CPT1A: variants seen among roughly 807,000 people sequenced by gnomAD.
CPT1A encodes carnitine palmitoyltransferase 1A, also known as carnitine O-palmitoyltransferase 1, liver isoform.
CPT1A carries 64 observed loss-of-function variants against 100.8 expected under a neutral mutation model. That is an observed-to-expected ratio of 0.63 (90% CI 0.52 to 0.78). The LOEUF (loss-of-function observed/expected upper bound fraction) is 0.78. CPT1A is among the 30% of genes least tolerant of loss of function. CPT1A has a pLI of 0.00. For missense variants in CPT1A, 802 were observed against 1,034.1 expected (o/e 0.78, Z 3.08); for synonymous variants, 363 against 396.0 (o/e 0.92, Z 0.99).
chr11:68,834,648 C>G lies in CPT1A; in HGVS notation c.-14+7127G>C, dbSNP rs11228376. Among the ~76,000 whole-genome samples the G allele has an allele frequency of 0.032, 4,796 of 151,758 alleles. 708 individuals are homozygous for G. In the East Asian group the frequency reaches 0.5, roughly 16 times the overall value. On this transcript the variant is annotated intron_variant, in intron 1 of 18. Transcript: ENST00000265641. ...GCATGCCTGTGGTCCCAGCTACTTG[C>G]GAGTATCACTCGAGCCCAGGAGTTT...
At position 68,756,092 on chromosome 11, in the gene CPT1A, A is replaced by C. The variant is rs1292035892; in HGVS notation, c.*1552T>G. 1 of 140,582 alleles carries C rather than the reference A, an allele frequency of 7.1e-6. No homozygotes were observed. The highest frequency in any genetic ancestry group is 1.5e-5 in the Non-Finnish European group (1 of 66,404). The allele number at this position is 140,582 out of a possible 1,614,324, so 8.7% of individuals were successfully genotyped here. A position where few individuals can be genotyped will look rare whatever the true frequency, so the allele number is the denominator to read the frequency against. On this transcript the variant is annotated 3_prime_UTR_variant, in exon 19 of 19. Transcript: ENST00000265641. ...GCACCACTGCACTCCAGCCTGGGCA[A>C]CAAGAGTGAAACTCCATCTCAAAAA...
chr11:68,797,717 C>G (rs963503019), intron 6 of CPT1A, among the ~76,000 whole-genome samples: 4 of 152,344 alleles, frequency 2.6e-5, no homozygotes, highest in African/African-American at 7.2e-5. Context: ...GTGGCTCACG[C>G]CTGTCATCCC....
At chr11:68,767,803 TGG>T (rs1449322629) in intron 14 of CPT1A, among the ~76,000 whole-genome samples, 1 of 152,182 alleles carries the variant, frequency 6.6e-6, no homozygotes, top group African/African-American at 2.4e-5. Flanking sequence ...GTCTCCACTC[TGG>T]GTTCACCGGG....
At chr11:68,775,219 G>T in intron 13 of CPT1A, 97 bp downstream of exon 13, 1 of 1,030,614 alleles carries the variant, frequency 9.7e-7, no homozygotes, top group Non-Finnish European at 1.5e-6. Context: ...CTGAGCTCAT[G>T]ATAGGGCAGG....
At chr11:68,826,566 C>T (rs1392524416) in intron 1 of CPT1A, among the ~76,000 whole-genome samples, 2 of 150,982 alleles carry the variant, frequency 1.3e-5, no homozygotes, top group Non-Finnish European at 2.9e-5. Context: ...AACCCCATCT[C>T]TACTAAAAAT....
At chr11:68,774,777 A>C (rs1254328392) in intron 13 of CPT1A, among the ~76,000 whole-genome samples, 3 of 140,942 alleles carry the variant, frequency 2.1e-5, no homozygotes, top group African/African-American at 8.1e-5. Flanking sequence ...GCGAGACTAC[A>C]TCTCAAAAAA....
chr11:68,814,517 C>T (rs1856326231), intron 2 of CPT1A, among the ~76,000 whole-genome samples: 1 of 151,974 alleles, frequency 6.6e-6, no homozygotes, highest in South Asian at 2.1e-4. Context: ...ACCATGTTAG[C>T]CAGGATGGTC....
At chr11:68,835,410 T>C (rs1338237140) in intron 1 of CPT1A, among the ~76,000 whole-genome samples, 1 of 152,228 alleles carries the variant, frequency 6.6e-6, no homozygotes. Context: ...TTCTTCACCT[T>C]TGCACAGAAT....
At chr11:68,761,245 C>T (rs959571915) in intron 16 of CPT1A, among the ~76,000 whole-genome samples, 9 of 148,792 alleles carry the variant, frequency 6.0e-5, no homozygotes, top group African/African-American at 2.5e-5. Context: ...AAAGGTGGTA[C>T]GCGCTCACAG....
intron 16 of CPT1A, 123 bp downstream of exon 16, chr11:68,761,412 C>T (rs1180782453): frequency 8.8e-7 from 1 of 1,133,840 alleles, no homozygotes; most frequent in Non-Finnish European, 1.3e-6. Flanking sequence ...GACAGCTACA[C>T]CCACAGACCC....
intron 14 of CPT1A, among the ~76,000 whole-genome samples, chr11:68,770,897 G>C (rs1020501558): frequency 6.6e-6 from 1 of 152,192 alleles, no homozygotes; most frequent in South Asian, 2.1e-4. Context: ...GCCTGCTTCC[G>C]ATCTCAGTCC....
intron 14 of CPT1A, among the ~76,000 whole-genome samples, chr11:68,767,018 C>G: frequency 6.6e-6 from 1 of 152,190 alleles, no homozygotes; most frequent in East Asian, 1.9e-4. Flanking sequence ...GAGAACAGCA[C>G]AGACAACATG....
At chr11:68,797,097 G>A (rs2154000038) in intron 6 of CPT1A, among the ~76,000 whole-genome samples, 164 bp from the exon 7 acceptor site, 1 of 152,240 alleles carries the variant, frequency 6.6e-6, no homozygotes, top group Non-Finnish European at 1.5e-5. Context: ...CTAACTAGAT[G>A]GAATGCGACA....
rs79705374 is a variant in CPT1A at position 68,769,020 on chromosome 11, C to T, written c.1740+4245G>A. Among the ~76,000 whole-genome samples the T allele has an allele frequency of 6.2e-3, 942 of 152,344 alleles. 5 individuals carry two copies. The highest frequency in any genetic ancestry group is 9.6e-3 in the Non-Finnish European group (652 of 68,034). The stretch of plus-strand genomic sequence containing the variant: ...TTGGTAAGATTAAGCTTATTACCTA[C>T]ACTCATTGACCGTATTTTTCCTCTC... On this transcript the variant is annotated intron_variant, in intron 14 of 18. Coordinates refer to ENST00000265641, the MANE Select transcript of CPT1A (RefSeq NM_001876.4).
intron 2 of CPT1A, among the ~76,000 whole-genome samples, chr11:68,814,093 C>CGG (rs893016440): frequency 6.6e-6 from 1 of 150,596 alleles, no homozygotes; most frequent in Admixed American, 6.6e-5. Context: ...GGGGGGTCAG[C>CGG]GGGGGGGGAT....
chr11:68,809,413 T>C lies in CPT1A; in HGVS notation c.282-1775A>G, dbSNP rs535500364. ...AGATAAAAAACGTTAGCAAAAAGCT[T>C]TCTTTGAAAGGACATGCTCCTTACA... On this transcript the variant is annotated intron_variant, in intron 3 of 18. Transcript: ENST00000265641. Among the ~76,000 whole-genome samples, 10 of 152,312 alleles carry C rather than the reference T, an allele frequency of 6.6e-5. No homozygotes were observed. In the South Asian group the frequency reaches 2.1e-3, roughly 32 times the overall value.
chr11:68,825,181 G>A (rs530262763), intron 1 of CPT1A, among the ~76,000 whole-genome samples: 7 of 152,246 alleles, frequency 4.6e-5, no homozygotes, highest in South Asian at 2.1e-4. Flanking sequence ...GTGTGAGAAC[G>A]GGTGAAGGGC....
intron 1 of CPT1A, among the ~76,000 whole-genome samples, chr11:68,823,843 G>A (rs868283862): frequency 6.6e-6 from 1 of 151,904 alleles, no homozygotes; most frequent in Non-Finnish European, 1.5e-5. Context: ...TAATATGGAT[G>A]CAACTGGAGG....
At chr11:68,826,141 C>T (rs950328816) in intron 1 of CPT1A, among the ~76,000 whole-genome samples, 1 of 152,116 alleles carries the variant, frequency 6.6e-6, no homozygotes, top group African/African-American at 2.4e-5. Flanking sequence ...CTTGATGTAC[C>T]CCCGCACTGA....
Sources: gnomAD v4.1 joint callset for allele counts (sites outside exome capture counted in the v4.1 genomes callset) on GRCh38, gnomAD v4.1.1 for gene constraint, MANE v1.5 for transcripts, NCBI Gene and HGNC (gene_info 2026-07-23, HGNC 2026-07-21) for gene names.